The following FARS2 variants were observed in gnomAD, a reference collection of about 807,000 sequenced individuals.
The protein encoded by FARS2 is phenylalanine--tRNA ligase, mitochondrial.
Under a neutral mutation model 46.4 loss-of-function variants are expected in FARS2, and 40 were observed. The observed-to-expected ratio is 0.86, with a 90% CI of 0.67 to 1.12. FARS2 has a LOEUF of 1.12. FARS2 is among the 50% of genes most tolerant of loss of function. FARS2 has a pLI of 0.00. For missense variants in FARS2, 513 were observed against 567.9 expected, an observed-to-expected ratio of 0.90 and a Z score of 0.98; for synonymous variants, 234 against 214.9, an observed-to-expected ratio of 1.09 and a Z score of -0.78.
chr6:5,297,707 G>A lies in FARS2; in HGVS notation c.-22+36047G>A, dbSNP rs1470624254. On this transcript the variant is annotated intron_variant, in intron 1 of 6. Transcript: ENST00000274680. ...CAGCAACAGCAACAACAACAACAAC[G>A]AAACTAAGCTTTGCATATTTTATGA... 6.6e-5 allele frequency among the ~76,000 whole-genome samples: 10 copies of A among 151,978 alleles called. 1 individual carries two copies. Among genetic ancestry groups the A allele is most frequent in the South Asian group, 6.2e-4 (3 of 4,814 alleles).
chr6:5,606,077 A>G (rs1235511578), intron 5 of FARS2, among the ~76,000 whole-genome samples: 1 of 152,100 alleles, frequency 6.6e-6, no homozygotes, highest in Non-Finnish European at 1.5e-5. Flanking sequence ...GAAGCTCCGC[A>G]GTATGGATTA....
chr6:5,614,018 G>A (rs1775329105), intron 6 of FARS2, among the ~76,000 whole-genome samples: 4 of 152,046 alleles, frequency 2.6e-5, no homozygotes, highest in South Asian at 2.1e-4. Context: ...GATGCAGAAG[G>A]CAGCCAAGAA....
intron 4 of FARS2, 41 bp from the exon 5 acceptor site, chr6:5,545,139 C>T (rs753434662): frequency 9.4e-6 from 15 of 1,602,426 alleles, no homozygotes; most frequent in East Asian, 2.2e-5. Flanking sequence ...TATCCAATCT[C>T]GATACTTTTT....
At chr6:5,716,802 G>T (rs1759516648) in intron 6 of FARS2, among the ~76,000 whole-genome samples, 1 of 152,200 alleles carries the variant, frequency 6.6e-6, no homozygotes, top group South Asian at 2.1e-4. Context: ...GAAGTGCAGA[G>T]GGCAAAATAT....
In FARS2 at chr6:5,404,591, G is replaced by A; in HGVS notation, c.662G>A (p.Ser221Asn). 2.5e-6 allele frequency: 4 copies of A among 1,611,146 alleles called. No homozygotes were observed. Among genetic ancestry groups the A allele is most frequent in the Non-Finnish European group, 3.4e-6 (4 of 1,178,354 alleles). The change falls in exon 3 of 7, where the codon AGT becomes AAT. Residue 221 changes from serine (S) to asparagine (N), a missense_variant. Coordinates refer to ENST00000274680, the MANE Select transcript of FARS2 (RefSeq NM_006567.5). ...DGESLQLFEQ[S>N]SRSAHKQETH... ...GAAAGCCTGCAGCTCTTTGAACAAAGTTCTCGCTCTGCGCATAAACAAGAG... is the reference window on the plus strand; with the variant it reads ...GAAAGCCTGCAGCTCTTTGAACAAAATTCTCGCTCTGCGCATAAACAAGAG...
At chr6:5,315,749 T>TCTTTCTTTCTTTCTTTCTTCCTTC (rs1335102468) in intron 1 of FARS2, among the ~76,000 whole-genome samples, 1 of 149,540 alleles carries the variant, frequency 6.7e-6, no homozygotes, top group African/African-American at 2.5e-5. Flanking sequence ...TTCCTTTCTT[T>TCTTTCTTTCTTTCTTTCTTCCTTC]CTTTCTTTCT....
At chr6:5,511,890 C>T (rs1156457080) in intron 4 of FARS2, among the ~76,000 whole-genome samples, 2 of 152,152 alleles carry the variant, frequency 1.3e-5, no homozygotes, top group Non-Finnish European at 2.9e-5. Flanking sequence ...ATACAAGAAA[C>T]CTCTTTCCAT....
intron 2 of FARS2, among the ~76,000 whole-genome samples, chr6:5,395,259 C>T (rs1432906518): frequency 6.6e-6 from 1 of 152,138 alleles, no homozygotes; most frequent in Non-Finnish European, 1.5e-5. Context: ...CCATGTTGGC[C>T]AGGCTGGTCT....
chr6:5,396,861 C>T (rs1285412516), intron 2 of FARS2, among the ~76,000 whole-genome samples: 3 of 152,140 alleles, frequency 2.0e-5, no homozygotes, highest in Non-Finnish European at 4.4e-5. Flanking sequence ...AGGGCTGTTG[C>T]TGCCCTGGTT....
intron 5 of FARS2, among the ~76,000 whole-genome samples, chr6:5,559,225 A>T (rs1240504034): frequency 1.3e-5 from 2 of 152,154 alleles, no homozygotes; most frequent in East Asian, 3.9e-4. Context: ...CAACATAGAG[A>T]GACCCCGTCT....
At chr6:5,409,931 G>T (rs114042641) in intron 3 of FARS2, among the ~76,000 whole-genome samples, 3,085 of 152,148 alleles carry the variant, frequency 0.02, 98 homozygotes, top group African/African-American at 0.071. Flanking sequence ...TGTTTGTGAC[G>T]TCCGCTGTAT....
rs150303655 is a variant in FARS2 at position 5,666,652 on chromosome 6, G to C, written c.1217+53332G>C. ...AATGTAAATTAGGTCCACCACTGTGGAAAACAGTGTGGCAGTTCCTCAAAG... is the reference window on the plus strand; with the variant it reads ...AATGTAAATTAGGTCCACCACTGTGCAAAACAGTGTGGCAGTTCCTCAAAG... On this transcript the variant is annotated intron_variant, in intron 6 of 6. Transcript: ENST00000274680. 5.9e-5 allele frequency among the ~76,000 whole-genome samples: 9 copies of C among 152,286 alleles called. No individual in the cohort carries two copies. In the East Asian group the frequency reaches 1.3e-3, roughly 23 times the overall value.
At chr6:5,740,656 C>T (rs573482564) in intron 6 of FARS2, among the ~76,000 whole-genome samples, 1 of 152,168 alleles carries the variant, frequency 6.6e-6, no homozygotes, top group African/African-American at 2.4e-5. Context: ...AGGAAGAAAG[C>T]GTGCTTCACC....
chr6:5,520,438 A>C (rs35458062), intron 4 of FARS2, among the ~76,000 whole-genome samples: 33,282 of 152,144 alleles, frequency 0.22, 4,991 homozygotes, highest in Non-Finnish European at 0.32. Flanking sequence ...GTGTGAACAA[A>C]GTGACCTGTC....
At chr6:5,745,064 C>A (rs934942426) in intron 6 of FARS2, among the ~76,000 whole-genome samples, 1 of 152,190 alleles carries the variant, frequency 6.6e-6, no homozygotes, top group Admixed American at 6.5e-5. Context: ...TGAGCATCCA[C>A]AAATATACCC....
chr6:5,546,510 G>A lies in FARS2; in HGVS notation c.1065+1170G>A, dbSNP rs145915901. Among the ~76,000 whole-genome samples, 1,174 of 151,636 alleles carry A rather than the reference G, an allele frequency of 7.7e-3. 16 individuals are homozygous for A. The highest frequency in any genetic ancestry group is 0.024 in the African/African-American group (997 of 41,366). On this transcript the variant is annotated intron_variant, in intron 5 of 6. Coordinates refer to ENST00000274680, the MANE Select transcript of FARS2 (RefSeq NM_006567.5). ...TGTGATTCGCCCGCCTTGGCCTCCCGAAGTGCTGGGATTACAGGAGTGAGC... is the reference window on the plus strand; with the variant it reads ...TGTGATTCGCCCGCCTTGGCCTCCCAAAGTGCTGGGATTACAGGAGTGAGC...
intron 5 of FARS2, among the ~76,000 whole-genome samples, chr6:5,574,019 G>T (rs1582481126): frequency 6.6e-6 from 1 of 152,318 alleles, no homozygotes; most frequent in East Asian, 1.9e-4. Context: ...ATTAAAGGCT[G>T]GCAAACTTTT....
chr6:5,769,871 C>T (rs768748813), intron 6 of FARS2, among the ~76,000 whole-genome samples: 1 of 152,174 alleles, frequency 6.6e-6, no homozygotes, highest in Admixed American at 6.5e-5. Context: ...CACAGCATAG[C>T]AGCTTATCTT....
chr6:5,463,773 T>C (rs1765369938), intron 4 of FARS2, among the ~76,000 whole-genome samples: 1 of 152,240 alleles, frequency 6.6e-6, no homozygotes, highest in Non-Finnish European at 1.5e-5. Flanking sequence ...TGAAAATTGC[T>C]TGGTGGATTC....
Sources: allele counts gnomAD v4.1 joint callset (sites outside exome capture counted in the v4.1 genomes callset), GRCh38; gene constraint gnomAD v4.1.1; transcripts MANE v1.5; gene names NCBI Gene and HGNC (gene_info 2026-07-23, HGNC 2026-07-21).